Variants in KPNB1 observed in about 807,000 individuals in gnomAD.
The protein encoded by KPNB1 is importin subunit beta-1.
A neutral mutation model predicts 113.0 loss-of-function variants in KPNB1; 7 were observed. The ratio of observed to expected loss-of-function variants is 0.06; its 90% confidence interval spans 0.04 to 0.12. The LOEUF is 0.12. Among genes scored for constraint, KPNB1 ranks in the 10% least tolerant of loss-of-function variants. The pLI is 1.00. For missense variants in KPNB1, 400 were observed against 1,054.8 expected, an observed-to-expected ratio of 0.38 and a Z score of 8.60; for synonymous variants, 363 against 378.6, an observed-to-expected ratio of 0.96 and a Z score of 0.48.
At position 47,669,712 on chromosome 17, in the gene KPNB1, C is replaced by G. The variant is rs1314891363; in HGVS notation, c.1259C>G (p.Pro420Arg). ...ACCCTAATAGAATTAATGAAAGACC[C>G]CAGTGTAGTTGTTCGAGATACAGCT... ...MPTLIELMKD[P>R]SVVVRDTAAW... is the part of the protein sequence containing the mutation. Residue 420 changes from proline to arginine, a missense_variant, in exon 11 of 22, where the codon CCC becomes CGC. By Grantham distance (103) the Pro-to-Arg change is moderately radical. Around this residue, in one of 2 missense-constraint regions of KPNB1, gnomAD observed 285 missense variants for 627.0 expected, o/e 0.45. Coordinates refer to ENST00000290158, the MANE Select transcript of KPNB1 (RefSeq NM_002265.6). 6.2e-7 allele frequency: 1 copy of G among 1,611,916 alleles called. No homozygotes were observed. The highest frequency in any genetic ancestry group is 1.3e-5 in the African/African-American group (1 of 74,968).
chr17:47,668,385 G>A lies in KPNB1; in HGVS notation c.1199G>A (p.Ser400Asn). Reference protein sequence around the residue: ...FGCILEGPEPSQLKPLVIQAM... With the variant: ...FGCILEGPEPNQLKPLVIQAM... ...TGTATCTTGGAAGGACCAGAGCCCA[G>A]TCAGCTCAAACCACTAGTTATACAG... Residue 400 changes from serine to asparagine, a missense_variant, in exon 10 of 22, where the codon AGT becomes AAT. Physicochemically the swap from Ser to Asn is conservative, Grantham distance 46. Coordinates refer to ENST00000290158, the MANE Select transcript of KPNB1 (RefSeq NM_002265.6). The A allele has an allele frequency of 3.1e-6, 5 of 1,614,180 alleles. No homozygotes were observed. The highest frequency in any genetic ancestry group is 4.2e-6 in the Non-Finnish European group (5 of 1,180,022).
chr17:47,666,487 ATATATTTTATATAATGTTATATAT>A lies in KPNB1; in HGVS notation c.999+1342_999+1365del, dbSNP rs2030280796. 2.8e-5 allele frequency among the ~76,000 whole-genome samples: 4 copies of A among 144,276 alleles called. No homozygotes were observed. The Admixed American group carries it at 2.8e-4, about 10-fold the overall frequency. The allele number at this position is 144,276 out of a possible 152,430, so 94.7% of individuals were successfully genotyped here. On this transcript the variant is annotated intron_variant, in intron 9 of 21. Coordinates refer to ENST00000290158, the MANE Select transcript of KPNB1 (RefSeq NM_002265.6). ...TATATTTTATATAATGTTATATATT[ATATATTTTATATAATGTTATATAT>A]TATATTTTATATGTATTATGTTATA...
chr17:47,679,846 G>A (rs1287475709), intron 19 of KPNB1, 174 bp from the exon 20 acceptor site: 5 of 473,084 alleles, frequency 1.1e-5, no homozygotes, highest in South Asian at 2.1e-5. Flanking sequence ...ACAGGCGCCC[G>A]CCACCACGCC....
At position 47,675,364 on chromosome 17, in the gene KPNB1, T is replaced by TTTG. The variant is rs1567894281; in HGVS notation, c.1912+584_1912+585insGTT. ...AACGGAGATTGGCAGAGGTGTTGTT[T>TTTG]TTTTTTTGTTTTTTTTTTTTGTTTG... On this transcript the variant is annotated intron_variant, in intron 15 of 21. Coordinates refer to ENST00000290158, the MANE Select transcript of KPNB1 (RefSeq NM_002265.6). Among the ~76,000 whole-genome samples, 98 of 113,300 alleles carry TTTG rather than the reference T, an allele frequency of 8.6e-4. 1 individual carries two copies. The highest frequency in any genetic ancestry group is 2.6e-3 in the African/African-American group (67 of 25,440). The allele number at this position is 113,300 out of a possible 152,430, so 74.3% of individuals were successfully genotyped here. A position where few individuals can be genotyped will look rare whatever the true frequency, so the allele number is the denominator to read the frequency against.
rs573050192 is a variant in KPNB1 at position 47,672,947 on chromosome 17, C to G, written c.1548-71C>G. ...CCGGTTCCTGAGTTCTTATTTTTGG[C>G]AAGACATTGTCTATGTTCTTCCCTG... On this transcript the variant is annotated intron_variant, in intron 12 of 21. Coordinates refer to ENST00000290158, the MANE Select transcript of KPNB1 (RefSeq NM_002265.6). 4.1e-6 allele frequency: 6 copies of G among 1,449,252 alleles called. No homozygotes were observed. In the South Asian group the frequency reaches 6.8e-5, roughly 17 times the overall value. The allele number at this position is 1,449,252 out of a possible 1,614,324, so 89.8% of individuals were successfully genotyped here.
chr17:47,658,048 T>C (rs2029960323), intron 4 of KPNB1, among the ~76,000 whole-genome samples: 1 of 152,148 alleles, frequency 6.6e-6, no homozygotes, highest in African/African-American at 2.4e-5. Flanking sequence ...TGCCTGTGAA[T>C]AGCCACTGCA....
intron 2 of KPNB1, among the ~76,000 whole-genome samples, chr17:47,650,877 G>A (rs987580705): frequency 1.3e-5 from 2 of 152,094 alleles, no homozygotes; most frequent in African/African-American, 4.8e-5. Context: ...CCTATCCCGT[G>A]GCCCCTGTGG....
At chr17:47,676,559 C>A in intron 16 of KPNB1, 68 bp downstream of exon 16, 2 of 1,211,390 alleles carry the variant, frequency 1.7e-6, no homozygotes, top group Non-Finnish European at 2.4e-6. Context: ...GCACGCAAAA[C>A]CAGGTTCTTA....
rs1281938536 is a variant in KPNB1 at position 47,673,511 on chromosome 17, G to A, written c.1717G>A (p.Asp573Asn). ...GTAGTCACATATCCAGAGCACATCC[G>A]ATAGAATCCAGTTCAATGACCTTCA... ...QMESHIQSTSDRIQFNDLQSL... is the reference protein window; with the variant it reads ...QMESHIQSTSNRIQFNDLQSL... Residue 573 changes from aspartate (D) to asparagine (N), a missense_variant, in exon 14 of 22, where the codon GAT (aspartate) becomes AAT (asparagine). Transcript: ENST00000290158. 6.2e-7 allele frequency: 1 copy of A among 1,613,374 alleles called. No homozygotes were observed. Among genetic ancestry groups the A allele is most frequent in the Non-Finnish European group, 8.5e-7 (1 of 1,179,470 alleles).
chr17:47,665,479 A>G (rs1179548375), intron 9 of KPNB1, among the ~76,000 whole-genome samples: 1 of 152,204 alleles, frequency 6.6e-6, no homozygotes, highest in Non-Finnish European at 1.5e-5. Flanking sequence ...TTAGGAGCAA[A>G]GATGTGCTGG....
chr17:47,684,711 TTGA>T lies in KPNB1; in HGVS notation c.*2311_*2313del, dbSNP rs1451716876. On this transcript the variant is annotated 3_prime_UTR_variant, in exon 22 of 22. Transcript: ENST00000290158. Reference sequence around the variant, plus strand: ...GTCATGTTTTGTTCCAGGGAAGCAGTTGATGAGTGCTGTTACTAATGCTTTCTC... The same window carrying T: ...GTCATGTTTTGTTCCAGGGAAGCAGTTGAGTGCTGTTACTAATGCTTTCTC... 2 of 152,322 alleles carry T rather than the reference TTGA, an allele frequency of 1.3e-5. No individual in the cohort carries two copies. The highest frequency in any genetic ancestry group is 2.4e-5 in the African/African-American group (1 of 41,328). The allele number at this position is 152,322 out of a possible 1,614,324, so 9.4% of individuals were successfully genotyped here.
chr17:47,664,647 A>T (rs1022022078), intron 8 of KPNB1, among the ~76,000 whole-genome samples: 23 of 152,214 alleles, frequency 1.5e-4, no homozygotes, highest in Admixed American at 4.6e-4. Flanking sequence ...CAGATATGGA[A>T]GAGAATGGGG....
At chr17:47,666,048 T>C (rs966826400) in intron 9 of KPNB1, among the ~76,000 whole-genome samples, 1 of 152,068 alleles carries the variant, frequency 6.6e-6, no homozygotes, top group Admixed American at 6.6e-5. Context: ...TTTTTGTTTT[T>C]GTTTTTGTTT....
chr17:47,653,564 C>T (rs1660073603), intron 3 of KPNB1, among the ~76,000 whole-genome samples: 1 of 152,046 alleles, frequency 6.6e-6, no homozygotes, highest in Non-Finnish European at 1.5e-5. Flanking sequence ...AAATTAAGTT[C>T]TTTAGTGATC....
Position 47,682,389 on chromosome 17 carries a change from T to C in KPNB1, c.*-15T>C, listed in dbSNP as rs1273224696. 1 of 780,884 alleles carries C rather than the reference T, an allele frequency of 1.3e-6. No individual in the cohort carries two copies. The highest frequency in any genetic ancestry group is 1.7e-5 in the African/African-American group (1 of 59,118). The allele number at this position is 780,884 out of a possible 1,614,324, so 48.4% of individuals were successfully genotyped here. On this transcript the variant is annotated splice_polypyrimidine_tract_variant and intron_variant, in intron 21 of 21. Transcript: ENST00000290158. ...GTGATCTCAAAGATTGACCTTTTTT[T>C]CCATCTGTTTTCAGATCTGTTACCA...
chr17:47,650,498 G>A, intron 2 of KPNB1, 54 bp downstream of exon 2: 1 of 1,540,602 alleles, frequency 6.5e-7, no homozygotes. Context: ...CCTGCGTGCG[G>A]GGCCTTCCCG....
intron 2 of KPNB1, among the ~76,000 whole-genome samples, chr17:47,652,267 C>T (rs555074007): frequency 1.3e-5 from 2 of 152,246 alleles, no homozygotes; most frequent in South Asian, 2.1e-4. Flanking sequence ...GTTTTATTTT[C>T]TACCCCCCAT....
rs774501973 is a variant in KPNB1 at position 47,649,936 on chromosome 17, C to T, written c.-309C>T. 1.0e-4 allele frequency: 133 copies of T among 1,291,492 alleles called. 1 individual carries two copies. In the East Asian group the frequency reaches 2.8e-3, roughly 27 times the overall value. 80.0% of individuals were successfully genotyped at this position (1,291,492 alleles called of 1,614,324 possible). A position where few individuals can be genotyped will look rare whatever the true frequency, so the allele number is the denominator to read the frequency against. ...CCCTCGCTCCCTCCCTGCGCGCCGC[C>T]TCTCACTCACAGCCTCCCTTCCTTC... On this transcript the variant is annotated 5_prime_UTR_variant, in exon 1 of 22. Transcript: ENST00000290158.
chr17:47,660,274 TA>T (rs2143111076), intron 5 of KPNB1, among the ~76,000 whole-genome samples: 1 of 152,336 alleles, frequency 6.6e-6, no homozygotes, highest in East Asian at 1.9e-4. Flanking sequence ...ATCTAAGGGG[TA>T]GCATTTGTCA....
Sources: gnomAD v4.1 joint callset for allele counts (sites outside exome capture counted in the v4.1 genomes callset) on GRCh38, gnomAD v4.1.1 for gene constraint, gnomAD v4.1.1 regional missense constraint, MANE v1.5 for transcripts, NCBI Gene and HGNC (gene_info 2026-07-23, HGNC 2026-07-21) for gene names.